Variants in PRKN observed in about 807,000 individuals in gnomAD.
The protein encoded by PRKN is parkin RBR E3 ubiquitin protein ligase.
In PRKN, 56 loss-of-function variants were observed where a neutral mutation model predicts 59.5. The observed-to-expected ratio is 0.94, with a 90% CI of 0.76 to 1.18. PRKN has a LOEUF of 1.18. Among genes scored for constraint, PRKN ranks in the 50% most tolerant of loss-of-function variants. The pLI is 0.00. For missense variants in PRKN, 657 were observed against 596.4 expected, an observed-to-expected ratio of 1.10 and a Z score of -1.06; for synonymous variants, 250 against 222.1, an observed-to-expected ratio of 1.13 and a Z score of -1.12.
intron 2 of PRKN, among the ~76,000 whole-genome samples, chr6:162,358,027 A>G (rs1048547917): frequency 2.0e-5 from 3 of 152,180 alleles, no homozygotes; most frequent in Admixed American, 1.3e-4. Flanking sequence ...TACAGAATGT[A>G]CAACACAAAG....
chr6:162,727,764 C>T lies in PRKN; in HGVS notation c.-96G>A, dbSNP rs1232075505. The T allele has an allele frequency of 1.3e-5, 16 of 1,278,014 alleles. No homozygotes were observed. The East Asian group carries it at 3.8e-4, about 31-fold the overall frequency. The allele number at this position is 1,278,014 out of a possible 1,614,324, so 79.2% of individuals were successfully genotyped here. A position where few individuals can be genotyped will look rare whatever the true frequency, so the allele number is the denominator to read the frequency against. On this transcript the variant is annotated 5_prime_UTR_variant, in exon 1 of 12. Transcript: ENST00000366898. ...CACCAGCGGCTCTCCTGGGTTAAAT[C>T]CTCCAGGCCTCCCCGCCCCCGCGCC...
intron 6 of PRKN, among the ~76,000 whole-genome samples, chr6:161,872,854 A>G (rs902201175): frequency 6.6e-6 from 1 of 151,928 alleles, no homozygotes; most frequent in East Asian, 1.9e-4. Flanking sequence ...TTCATTTTTC[A>G]TCTCTCCCAG....
At chr6:162,388,115 A>T (rs1786949482) in intron 2 of PRKN, among the ~76,000 whole-genome samples, 1 of 152,162 alleles carries the variant, frequency 6.6e-6, no homozygotes, top group African/African-American at 2.4e-5. Context: ...AATTCATGCA[A>T]TTCTTGAGTT....
At chr6:162,021,541 C>A (rs1203307438) in intron 5 of PRKN, among the ~76,000 whole-genome samples, 1 of 149,290 alleles carries the variant, frequency 6.7e-6, no homozygotes, top group African/African-American at 2.5e-5. Context: ...AAGTCCCTTC[C>A]TCCGTGACTA....
chr6:161,599,675 C>A (rs1395551705), intron 7 of PRKN, among the ~76,000 whole-genome samples: 1 of 152,196 alleles, frequency 6.6e-6, no homozygotes, highest in African/African-American at 2.4e-5. Flanking sequence ...ACAGCAATTT[C>A]TGTGCTCCCA....
rs190775957 is a variant in PRKN, at chr6:162,722,128, C to T, written c.7+5534G>A. On this transcript the variant is annotated intron_variant, in intron 1 of 11. Coordinates refer to ENST00000366898, the MANE Select transcript of PRKN (RefSeq NM_004562.3). ...TGGTCATTTCTATGTACCTTCCCCA[C>T]AGGCAATATATAGACAAATACAACC... 1.7e-3 allele frequency among the ~76,000 whole-genome samples: 263 copies of T among 152,280 alleles called. 2 individuals are homozygous for T. Among genetic ancestry groups the T allele is most frequent in the Non-Finnish European group, 2.5e-3 (173 of 68,024 alleles).
intron 7 of PRKN, among the ~76,000 whole-genome samples, chr6:161,609,308 A>C (rs1254828499): frequency 6.6e-6 from 1 of 152,252 alleles, no homozygotes; most frequent in Non-Finnish European, 1.5e-5. Context: ...AGCACTTTTG[A>C]TAAGTATTAA....
intron 6 of PRKN, among the ~76,000 whole-genome samples, chr6:161,946,579 G>A (rs1477204726): frequency 2.6e-5 from 4 of 152,106 alleles, no homozygotes; most frequent in Non-Finnish European, 5.9e-5. Flanking sequence ...TGCTGAAGGG[G>A]TGTCCTCACA....
At chr6:161,925,428 G>A (rs949998223) in intron 6 of PRKN, among the ~76,000 whole-genome samples, 18 of 152,072 alleles carry the variant, frequency 1.2e-4, no homozygotes, top group African/African-American at 3.6e-4. Flanking sequence ...AAGATTAGCC[G>A]GGTGTGGTGG....
intron 9 of PRKN, among the ~76,000 whole-genome samples, chr6:161,433,172 A>G (rs1284107934): frequency 6.6e-6 from 1 of 152,226 alleles, no homozygotes; most frequent in Admixed American, 6.5e-5. Context: ...TTCCATTGCA[A>G]TGTACCTATT....
chr6:162,430,930 G>C (rs1789489328), intron 2 of PRKN, among the ~76,000 whole-genome samples: 1 of 152,094 alleles, frequency 6.6e-6, no homozygotes, highest in Non-Finnish European at 1.5e-5. Context: ...CAAATCTAAG[G>C]GTGGAAGAAC....
rs553261999 is a variant in PRKN at position 161,669,467 on chromosome 6, G to T, written c.872-100051C>A. ...CTTGGAACACCACCTGCTAAAAAATGACCATCCCTTGGGTTTCACTGTGAA... is the reference window on the plus strand; with the variant it reads ...CTTGGAACACCACCTGCTAAAAAATTACCATCCCTTGGGTTTCACTGTGAA... On this transcript the variant is annotated intron_variant, in intron 7 of 11. Coordinates refer to ENST00000366898, the MANE Select transcript of PRKN (RefSeq NM_004562.3). Among the ~76,000 whole-genome samples the T allele has an allele frequency of 2.0e-5, 3 of 152,256 alleles. No individual in the cohort carries two copies. The South Asian group carries it at 6.2e-4, about 32-fold the overall frequency.
At chr6:161,988,150 G>C (rs907672847) in intron 5 of PRKN, among the ~76,000 whole-genome samples, 3 of 152,020 alleles carry the variant, frequency 2.0e-5, no homozygotes, top group African/African-American at 7.2e-5. Context: ...GGAAAAGTCA[G>C]GAAGAGTCAG....
intron 6 of PRKN, among the ~76,000 whole-genome samples, chr6:161,952,842 G>A (rs781521531): frequency 7.2e-5 from 11 of 152,112 alleles, no homozygotes; most frequent in Non-Finnish European, 1.6e-4. Context: ...ATAAAAGTTG[G>A]ATCTTTTTAG....
At chr6:162,112,167 T>A (rs577004292) in intron 4 of PRKN, among the ~76,000 whole-genome samples, 24 of 152,352 alleles carry the variant, frequency 1.6e-4, no homozygotes, top group Non-Finnish European at 3.1e-4. Context: ...AACTCGAATA[T>A]CTTTGCAACC....
At chr6:161,511,150 AAT>A (rs1778374005) in intron 9 of PRKN, among the ~76,000 whole-genome samples, 1 of 152,232 alleles carries the variant, frequency 6.6e-6, no homozygotes, top group Non-Finnish European at 1.5e-5. Flanking sequence ...AAGAAAAATA[AAT>A]GTTCTTTGTG....
intron 1 of PRKN, among the ~76,000 whole-genome samples, chr6:162,703,984 C>T (rs1470828509): frequency 6.6e-6 from 1 of 152,122 alleles, no homozygotes; most frequent in Non-Finnish European, 1.5e-5. Context: ...ACAGCATTTG[C>T]AGGGAGGGGG....
At chr6:161,387,939 C>A (rs771643280) in intron 9 of PRKN, among the ~76,000 whole-genome samples, 4 of 152,156 alleles carry the variant, frequency 2.6e-5, no homozygotes, top group African/African-American at 9.7e-5. Flanking sequence ...GGACTGAAGA[C>A]GCCCAAGGAA....
At chr6:162,484,486 T>C (rs1378290363) in intron 1 of PRKN, among the ~76,000 whole-genome samples, 1 of 152,140 alleles carries the variant, frequency 6.6e-6, no homozygotes, top group African/African-American at 2.4e-5. Flanking sequence ...GGCTTGAGTA[T>C]CCAGATAAAC....
Sources: allele counts gnomAD v4.1 joint callset (sites outside exome capture counted in the v4.1 genomes callset), GRCh38; gene constraint gnomAD v4.1.1; transcripts MANE v1.5; gene names NCBI Gene and HGNC (gene_info 2026-07-23, HGNC 2026-07-21).